The following EMID1 variants were observed in gnomAD, a reference collection of about 807,000 sequenced individuals.
The protein encoded by EMID1 is EMI domain containing 1, also known as EMI domain-containing protein 1.
A neutral mutation model predicts 60.6 loss-of-function variants in EMID1; 40 were observed. That is an observed-to-expected ratio of 0.66 (90% CI 0.51 to 0.86). The LOEUF (loss-of-function observed/expected upper bound fraction) is 0.86, where lower values mean the gene tolerates loss of function less well. EMID1 is among the 40% of genes least tolerant of loss of function. The pLI is 0.00. For missense variants in EMID1, 585 were observed against 597.1 expected (o/e 0.98, Z 0.21); for synonymous variants, 242 against 231.0 (o/e 1.05, Z -0.43).
intron 12 of EMID1, among the ~76,000 whole-genome samples, chr22:29,242,524 G>A (rs2041189722): frequency 6.6e-6 from 1 of 152,122 alleles, no homozygotes. Context: ...TCTATTGACA[G>A]ATTTTTCTCT....
chr22:29,236,424 C>T (rs2040950571), intron 12 of EMID1, among the ~76,000 whole-genome samples: 1 of 152,100 alleles, frequency 6.6e-6, no homozygotes, highest in Non-Finnish European at 1.5e-5. Context: ...TGCACGGTGG[C>T]TCACACCTGT....
chr22:29,215,186 T>A (rs986138599), intron 2 of EMID1, 147 bp downstream of exon 2: 2 of 1,420,866 alleles, frequency 1.4e-6, no homozygotes, highest in Admixed American at 5.4e-5. Context: ...GACACCATTC[T>A]CAGCCTATCC....
At chr22:29,241,704 C>G (rs888905420) in intron 12 of EMID1, among the ~76,000 whole-genome samples, 2 of 151,810 alleles carry the variant, frequency 1.3e-5, no homozygotes, top group Non-Finnish European at 2.9e-5. Context: ...CTTCTAACCT[C>G]TTTACATGCC....
At chr22:29,216,666 T>C in intron 3 of EMID1, 2 of 985,236 alleles carry the variant, frequency 2.0e-6, no homozygotes, top group Non-Finnish European at 2.4e-6. Flanking sequence ...ACACTTCACC[T>C]CCCGGGGACC....
At chr22:29,254,144 C>T (rs2041623191) in intron 13 of EMID1, 59 bp from the exon 14 acceptor site, 3 of 1,610,162 alleles carry the variant, frequency 1.9e-6, no homozygotes, top group African/African-American at 2.7e-5. Flanking sequence ...CACCGACGGG[C>T]TTTGCAGGGT....
At chr22:29,214,260 G>T (rs774490812) in intron 1 of EMID1, among the ~76,000 whole-genome samples, 13 of 152,162 alleles carry the variant, frequency 8.5e-5, no homozygotes, top group African/African-American at 3.1e-4. Context: ...CAGATGCTGC[G>T]GGAGCCAGGG....
intron 1 of EMID1, among the ~76,000 whole-genome samples, chr22:29,209,815 T>A (rs1404164711): frequency 6.6e-6 from 1 of 152,120 alleles, no homozygotes; most frequent in Non-Finnish European, 1.5e-5. Flanking sequence ...GAGGAGGGGC[T>A]GCATGAGTGT....
At chr22:29,218,514 C>G (rs1445801085) in intron 3 of EMID1, among the ~76,000 whole-genome samples, 4 of 152,198 alleles carry the variant, frequency 2.6e-5, no homozygotes, top group African/African-American at 9.6e-5. Flanking sequence ...TGGGACCTGT[C>G]TGAGCAAGCT....
At chr22:29,229,532 A>G (rs2040650548) in intron 5 of EMID1, among the ~76,000 whole-genome samples, 1 of 151,798 alleles carries the variant, frequency 6.6e-6, no homozygotes, top group Admixed American at 6.6e-5. Flanking sequence ...AATCTCAGCT[A>G]CTAGGGAGGC....
chr22:29,243,588 C>A, intron 13 of EMID1, 99 bp downstream of exon 13: 1 of 1,368,146 alleles, frequency 7.3e-7, no homozygotes, highest in Non-Finnish European at 1.0e-6. Context: ...GGGAGCATCC[C>A]ATCCACATCC....
intron 13 of EMID1, 82 bp from the exon 14 acceptor site, chr22:29,254,121 G>A: frequency 6.2e-7 from 1 of 1,602,114 alleles, no homozygotes; most frequent in Non-Finnish European, 8.5e-7. Context: ...CATGTCCCGG[G>A]TGGGGCATGG....
Position 29,242,301 on chromosome 22 carries a change from T to C in EMID1, c.1075-1144T>C, listed in dbSNP as rs534280854. 2.6e-5 allele frequency among the ~76,000 whole-genome samples: 4 copies of C among 152,374 alleles called. No homozygotes were observed. In the South Asian group the frequency reaches 6.2e-4, roughly 24 times the overall value. On this transcript the variant is annotated intron_variant, in intron 12 of 14. Coordinates refer to ENST00000334018, the MANE Select transcript of EMID1 (RefSeq NM_133455.4). ...ACTTCTTCTGTTGTGTCCAATCTTA[T>C]GTTAATTTCATCTGATAATTTTCTA...
chr22:29,244,199 C>T (rs1469589608), intron 13 of EMID1, among the ~76,000 whole-genome samples: 1 of 152,172 alleles, frequency 6.6e-6, no homozygotes, highest in Admixed American at 6.5e-5. Context: ...TAGAAACTCT[C>T]ACATATACAG....
chr22:29,219,420 C>T (rs1467285227), intron 3 of EMID1, among the ~76,000 whole-genome samples: 3 of 152,190 alleles, frequency 2.0e-5, no homozygotes, highest in Non-Finnish European at 4.4e-5. Context: ...CATGGTTCCT[C>T]ACAGCCCTTG....
chr22:29,233,353 C>G, intron 8 of EMID1, 26 bp from the exon 9 acceptor site: 1 of 1,612,698 alleles, frequency 6.2e-7, no homozygotes, highest in Non-Finnish European at 8.5e-7. Flanking sequence ...CCCAGCTCTA[C>G]TCACTCATCA....
At chr22:29,221,883 G>C (rs1465017180) in intron 3 of EMID1, among the ~76,000 whole-genome samples, 1 of 152,020 alleles carries the variant, frequency 6.6e-6, no homozygotes, top group African/African-American at 2.4e-5. Flanking sequence ...GAACAGTTTT[G>C]TTATTTCTTT....
intron 1 of EMID1, among the ~76,000 whole-genome samples, chr22:29,208,520 G>A (rs764060266): frequency 6.6e-6 from 1 of 152,194 alleles, no homozygotes; most frequent in Non-Finnish European, 1.5e-5. Context: ...CACCAGCCCA[G>A]ATCTCTCGCC....
intron 1 of EMID1, among the ~76,000 whole-genome samples, chr22:29,212,135 A>G (rs915468071): frequency 4.6e-5 from 7 of 152,026 alleles, no homozygotes; most frequent in Non-Finnish European, 1.0e-4. Context: ...ACAGGCGCAC[A>G]CCACCACGCC....
chr22:29,229,468 AC>A (rs748580214), intron 5 of EMID1, among the ~76,000 whole-genome samples: 7 of 152,086 alleles, frequency 4.6e-5, no homozygotes, highest in East Asian at 1.9e-4. Flanking sequence ...ACATGGAGAA[AC>A]CCCATCTCTA....
Sources: allele counts gnomAD v4.1 joint callset (sites outside exome capture counted in the v4.1 genomes callset), GRCh38; gene constraint gnomAD v4.1.1; transcripts MANE v1.5; gene names NCBI Gene and HGNC (gene_info 2026-07-23, HGNC 2026-07-21).